The following PTPRK variants were observed in gnomAD, a reference collection of about 807,000 sequenced individuals.
PTPRK encodes the protein protein tyrosine phosphatase receptor type K.
In PTPRK, 75 loss-of-function variants were observed where a neutral mutation model predicts 178.0. The observed-to-expected ratio is 0.42, with a 90% CI of 0.35 to 0.51. PTPRK has a LOEUF of 0.51. Among genes scored for constraint, PTPRK ranks in the 20% least tolerant of loss-of-function variants. The pLI is 0.02. For synonymous variants in PTPRK, 637 were observed against 620.6 expected, an observed-to-expected ratio of 1.03 and a Z score of -0.39; for missense variants, 1,441 against 1,797.8, an observed-to-expected ratio of 0.80 and a Z score of 3.59.
intron 14 of PTPRK, among the ~76,000 whole-genome samples, chr6:128,008,889 A>G (rs1319089496): frequency 6.6e-6 from 1 of 151,222 alleles, no homozygotes; most frequent in Non-Finnish European, 1.5e-5. Context: ...TTAAATTCGG[A>G]TATTAATTTC....
chr6:127,990,860 T>C lies in PTPRK; in HGVS notation c.3005A>G (p.Asp1002Gly), dbSNP rs1776530864. 1 of 1,609,162 alleles carries C rather than the reference T, an allele frequency of 6.2e-7. No homozygotes were observed. Among genetic ancestry groups the C allele is most frequent in the African/African-American group, 1.3e-5 (1 of 74,746 alleles). The stretch of plus-strand genomic sequence containing the variant: ...GAAGTCACCATAAACTTCAGTATCA[T>C]CAGGCCAATATTTATAGCATTTAAC... ...GRVKCYKYWP[D>G]DTEVYGDFKV... is the part of the protein sequence containing the mutation. The change falls in exon 21 of 30, where the codon GAT (aspartate) becomes GGT (glycine). Residue 1002 changes from aspartate to glycine, a missense_variant. Asp to Gly is a moderately conservative substitution (Grantham distance 94). This residue lies in a region of PTPRK where 945 missense variants were observed against 1,080.6 expected (regional missense o/e 0.87). Coordinates refer to ENST00000368226, the MANE Select transcript of PTPRK (RefSeq NM_002844.4).
At chr6:128,164,720 G>A (rs1032413164) in intron 7 of PTPRK, among the ~76,000 whole-genome samples, 1 of 131,260 alleles carries the variant, frequency 7.6e-6, no homozygotes, top group Non-Finnish European at 1.5e-5. Flanking sequence ...ATTACAGGCT[G>A]GGGGGGGAGA....
intron 4 of PTPRK, among the ~76,000 whole-genome samples, chr6:128,241,533 G>C (rs1814451377): frequency 6.6e-6 from 1 of 152,218 alleles, no homozygotes; most frequent in Non-Finnish European, 1.5e-5. Flanking sequence ...TTCTCAGGGA[G>C]GATTGCTGAA....
intron 7 of PTPRK, among the ~76,000 whole-genome samples, chr6:128,138,125 G>A (rs1795275601): frequency 6.6e-6 from 1 of 151,942 alleles, no homozygotes; most frequent in Non-Finnish European, 1.5e-5. Context: ...TATATACCTG[G>A]TCCCGAAATT....
At chr6:128,456,906 C>T (rs1400912052) in intron 1 of PTPRK, among the ~76,000 whole-genome samples, 8 of 152,020 alleles carry the variant, frequency 5.3e-5, no homozygotes, top group Non-Finnish European at 1.0e-4. Flanking sequence ...TTGAAAAATA[C>T]ATTTCCCAAA....
At chr6:128,504,097 T>C (rs939412186) in intron 1 of PTPRK, among the ~76,000 whole-genome samples, 2 of 152,134 alleles carry the variant, frequency 1.3e-5, no homozygotes, top group South Asian at 2.1e-4. Flanking sequence ...CTTTTTGTCA[T>C]TGCTCACATA....
At chr6:128,447,578 G>A (rs746739142) in intron 1 of PTPRK, among the ~76,000 whole-genome samples, 22 of 151,698 alleles carry the variant, frequency 1.5e-4, no homozygotes, top group Admixed American at 2.6e-4. Flanking sequence ...AGTGCTTAAA[G>A]TAGCGGGAAA....
intron 1 of PTPRK, among the ~76,000 whole-genome samples, chr6:128,512,930 G>A (rs1857395448): frequency 6.6e-6 from 1 of 152,190 alleles, no homozygotes; most frequent in Non-Finnish European, 1.5e-5. Context: ...AGTAATGTCA[G>A]AGGGAATAGT....
At chr6:128,054,307 TC>T (rs1465887954) in intron 13 of PTPRK, among the ~76,000 whole-genome samples, 2 of 152,338 alleles carry the variant, frequency 1.3e-5, no homozygotes, top group East Asian at 3.9e-4. Context: ...TAATGTTACT[TC>T]CTCCATAAAA....
chr6:128,016,188 AT>A (rs2114741907), intron 13 of PTPRK, among the ~76,000 whole-genome samples: 1 of 152,028 alleles, frequency 6.6e-6, no homozygotes, highest in Admixed American at 6.6e-5. Flanking sequence ...ATACAAATTT[AT>A]TAATATAAGT....
At chr6:128,364,322 G>A (rs543075730) in intron 2 of PTPRK, among the ~76,000 whole-genome samples, 5 of 151,842 alleles carry the variant, frequency 3.3e-5, no homozygotes, top group African/African-American at 7.2e-5. Context: ...AAAAGCAAAC[G>A]GCATTCAAAC....
chr6:128,470,077 A>G (rs1342681326), intron 1 of PTPRK, among the ~76,000 whole-genome samples: 1 of 152,190 alleles, frequency 6.6e-6, no homozygotes, highest in Non-Finnish European at 1.5e-5. Flanking sequence ...GAAAACTAGT[A>G]TAATACATAC....
intron 5 of PTPRK, among the ~76,000 whole-genome samples, chr6:128,225,127 G>A (rs1284755776): frequency 6.6e-6 from 1 of 152,138 alleles, no homozygotes; most frequent in African/African-American, 2.4e-5. Context: ...AGACTAAAAA[G>A]AGCTGCACTG....
intron 3 of PTPRK, among the ~76,000 whole-genome samples, chr6:128,257,651 A>C (rs1322847154): frequency 6.6e-6 from 1 of 152,194 alleles, no homozygotes; most frequent in Non-Finnish European, 1.5e-5. Flanking sequence ...TTTTAATCCA[A>C]AATGCAATAA....
At chr6:128,115,784 G>A (rs1157046630) in intron 7 of PTPRK, among the ~76,000 whole-genome samples, 1 of 152,056 alleles carries the variant, frequency 6.6e-6, no homozygotes, top group East Asian at 1.9e-4. Context: ...TGGTATTACA[G>A]TGAACAAGTC....
At chr6:128,111,457 G>GTAGAACTT (rs1382124744) in intron 7 of PTPRK, among the ~76,000 whole-genome samples, 1 of 152,164 alleles carries the variant, frequency 6.6e-6, no homozygotes, top group African/African-American at 2.4e-5. Context: ...CAGACTAGCT[G>GTAGAACTT]TAGAACTTAA....
At chr6:128,105,071 G>C (rs963878072) in intron 7 of PTPRK, among the ~76,000 whole-genome samples, 1 of 149,530 alleles carries the variant, frequency 6.7e-6, no homozygotes, top group Non-Finnish European at 1.5e-5. Context: ...TACTTCTCTT[G>C]TTTTCTCAAC....
At position 128,388,396 on chromosome 6, in the gene PTPRK, T is replaced by C. The variant is rs116960586; in HGVS notation, c.223+9170A>G. Among the ~76,000 whole-genome samples, 965 of 152,242 alleles carry C rather than the reference T, an allele frequency of 6.3e-3. 2 individuals carry two copies. Among genetic ancestry groups the C allele is most frequent in the Non-Finnish European group, 0.01 (683 of 68,002 alleles). The stretch of plus-strand genomic sequence containing the variant: ...GAAAAAATCTGAATTATTGATGAAA[T>C]CACTGAGCCACTGAATGAGCCAACT... On this transcript the variant is annotated intron_variant, in intron 2 of 29. Transcript: ENST00000368226.
chr6:128,236,562 T>G (rs1231128939), intron 5 of PTPRK, among the ~76,000 whole-genome samples: 2 of 152,110 alleles, frequency 1.3e-5, no homozygotes, highest in African/African-American at 4.8e-5. Flanking sequence ...TTGGCCAGGC[T>G]GGTCTCCAAC....
Sources: gnomAD v4.1 joint callset for allele counts (sites outside exome capture counted in the v4.1 genomes callset) on GRCh38, gnomAD v4.1.1 for gene constraint, gnomAD v4.1.1 regional missense constraint, MANE v1.5 for transcripts, NCBI Gene and HGNC (gene_info 2026-07-23, HGNC 2026-07-21) for gene names.